Variants in OPTN observed in about 807,000 individuals in gnomAD.
The protein encoded by OPTN is E3-14.7K-interacting protein.
In OPTN, 54 loss-of-function variants were observed where a neutral mutation model predicts 70.4. The observed-to-expected ratio is 0.77, with a 90% CI of 0.62 to 0.96. The LOEUF (loss-of-function observed/expected upper bound fraction) is 0.96, where lower values mean the gene tolerates loss of function less well. Ranked by LOEUF, OPTN falls within the 40% of genes least tolerant of loss-of-function variation. OPTN has a pLI of 0.00. For synonymous variants in OPTN, 256 were observed against 248.5 expected (o/e 1.03, Z -0.28); for missense variants, 624 against 673.2 (o/e 0.93, Z 0.81).
At chr10:13,128,264 CCAAA>C (rs1191370167) in intron 12 of OPTN, among the ~76,000 whole-genome samples, 3 of 152,076 alleles carry the variant, frequency 2.0e-5, no homozygotes, top group African/African-American at 4.8e-5. Context: ...ACAGGTAATG[CCAAA>C]CAGTTTTCCA....
intron 3 of OPTN, among the ~76,000 whole-genome samples, chr10:13,110,023 G>A (rs1056004146): frequency 3.3e-5 from 5 of 152,094 alleles, no homozygotes; most frequent in Non-Finnish European, 7.4e-5. Flanking sequence ...AGATATTTGT[G>A]CTGTAGTGGC....
At chr10:13,130,105 C>T (rs890486536) in intron 12 of OPTN, among the ~76,000 whole-genome samples, 3 of 152,080 alleles carry the variant, frequency 2.0e-5, no homozygotes, top group African/African-American at 7.2e-5. Flanking sequence ...CTCATTCATT[C>T]AATAACTTCT....
intron 5 of OPTN, among the ~76,000 whole-genome samples, chr10:13,115,649 A>T (rs978366650): frequency 3.6e-5 from 5 of 139,970 alleles, no homozygotes; most frequent in African/African-American, 1.3e-4. Flanking sequence ...TATTATATAT[A>T]TATTTATACG....
chr10:13,101,325 GCTT>G (rs1476726187), intron 1 of OPTN, among the ~76,000 whole-genome samples: 2 of 152,164 alleles, frequency 1.3e-5, no homozygotes, highest in African/African-American at 2.4e-5. Context: ...AAAAGTAACA[GCTT>G]CTTTTTTTAT....
intron 1 of OPTN, among the ~76,000 whole-genome samples, chr10:13,105,720 C>A (rs183652563): frequency 1.1e-4 from 16 of 152,198 alleles, no homozygotes; most frequent in African/African-American, 3.9e-4. Flanking sequence ...ACCAGACTGG[C>A]CAACTTGGCA....
intron 6 of OPTN, among the ~76,000 whole-genome samples, chr10:13,117,696 C>G (rs1833250588): frequency 6.6e-6 from 1 of 152,056 alleles, no homozygotes; most frequent in Non-Finnish European, 1.5e-5. Flanking sequence ...ATCCTCTGGT[C>G]TCAGCCTCCC....
Position 13,116,284 on chromosome 10 carries a change from G to C in OPTN, c.570G>C (p.Gly190=). The C allele has an allele frequency of 6.2e-7, 1 of 1,611,526 alleles. No homozygotes were observed. The change falls in exon 6 of 15, where the codon GGG becomes GGC. Residue 190 remains glycine (G), a synonymous_variant. Coordinates refer to ENST00000378747, the MANE Select transcript of OPTN (RefSeq NM_001008212.2). ...EIRMAEGEAE[G]SVKEIKHSPG... Reference sequence around the variant, plus strand: ...TTTCACAGGAAGGAGAAGCAGAAGGGTCAGTAAAAGAAATCAAGCATAGTC... The same window carrying C: ...TTTCACAGGAAGGAGAAGCAGAAGGCTCAGTAAAAGAAATCAAGCATAGTC...
Position 13,100,228 on chromosome 10 carries a change from C to A in OPTN, c.-238C>A. ...CAGGTTCCCTGGTCAGCGTCCCATCCCGGTCGGGAGTTCTCTCCAGGCGGC... is the reference window on the plus strand; with the variant it reads ...CAGGTTCCCTGGTCAGCGTCCCATCACGGTCGGGAGTTCTCTCCAGGCGGC... On this transcript the variant is annotated 5_prime_UTR_variant, in exon 1 of 15. Coordinates refer to ENST00000378747, the MANE Select transcript of OPTN (RefSeq NM_001008212.2). 6.5e-6 allele frequency: 1 copy of A among 154,224 alleles called. No individual in the cohort carries two copies. Among genetic ancestry groups the A allele is most frequent in the South Asian group, 1.9e-4 (1 of 5,396 alleles). The allele number at this position is 154,224 out of a possible 1,614,324, so 9.6% of individuals were successfully genotyped here.
chr10:13,134,028 C>T (rs180939832), intron 14 of OPTN, among the ~76,000 whole-genome samples: 74 of 152,228 alleles, frequency 4.9e-4, no homozygotes, highest in African/African-American at 1.7e-3. Context: ...AGGCTGGTCT[C>T]GAACTCCTGA....
chr10:13,102,145 A>G (rs944020312), intron 1 of OPTN, among the ~76,000 whole-genome samples: 4 of 152,244 alleles, frequency 2.6e-5, no homozygotes, highest in African/African-American at 9.6e-5. Context: ...GAAGTTTGCC[A>G]GGACACAAGG....
intron 14 of OPTN, 130 bp from the exon 15 acceptor site, chr10:13,136,615 T>C: frequency 9.6e-7 from 1 of 1,037,164 alleles, no homozygotes; most frequent in Non-Finnish European, 1.4e-6. Flanking sequence ...ACCAAACACC[T>C]GTGCTCATGT....
At chr10:13,104,549 C>G in intron 1 of OPTN, 1 of 560,502 alleles carries the variant, frequency 1.8e-6, no homozygotes, top group Middle Eastern at 5.6e-4. Flanking sequence ...ACATGGGTTT[C>G]TCTGCTGAAC....
Position 13,136,666 on chromosome 10 carries a change from C to G in OPTN, c.1613-79C>G. 1.9e-6 allele frequency: 3 copies of G among 1,569,290 alleles called. No homozygotes were observed. In the Admixed American group the frequency reaches 5.2e-5, roughly 27 times the overall value. ...ATACGAAGTTGAACTGATGTTAAAA[C>G]TCGCCATCTGTTCTTCAAGTGAAAC... On this transcript the variant is annotated intron_variant, in intron 14 of 14. Transcript: ENST00000378747.
At chr10:13,107,503 G>A (rs1345235306) in intron 1 of OPTN, among the ~76,000 whole-genome samples, 5 of 146,550 alleles carry the variant, frequency 3.4e-5, no homozygotes, top group East Asian at 2.1e-4. Flanking sequence ...CGCAGCCTCC[G>A]GAGTAGCTGG....
chr10:13,132,047 A>G lies in OPTN; in HGVS notation c.1402-20A>G. 2 of 1,609,832 alleles carry G rather than the reference A, an allele frequency of 1.2e-6. No homozygotes were observed. Among genetic ancestry groups the G allele is most frequent in the South Asian group, 2.2e-5 (2 of 90,770 alleles). On this transcript the variant is annotated intron_variant, in intron 12 of 14. Transcript: ENST00000378747. ...CATTCATCTAGGTACTAACTTCTGT[A>G]TCTTTTTTTCCTCTAACAGATGGAA...
At position 13,124,076 on chromosome 10, in the gene OPTN, G is replaced by C. The variant is rs523747; in HGVS notation, c.964G>C (p.Glu322Gln). The C allele has an allele frequency of 6.2e-7, 1 of 1,612,080 alleles. No individual in the cohort carries two copies. The highest frequency in any genetic ancestry group is 8.5e-7 in the Non-Finnish European group (1 of 1,178,432). The change falls in exon 9 of 15, where the codon GAA becomes CAA. Residue 322 changes from glutamate (E) to glutamine (Q), a missense_variant. Physicochemically the swap from Glu to Gln is conservative, Grantham distance 29. Transcript: ENST00000378747. ...TCAAGAGGCTCATACAAAACTCAGC[G>C]AAGCTGAGCTAATGAAGAAGAGACT... is the stretch of plus-strand genomic sequence containing the variant. ...ELQEAHTKLS[E>Q]AELMKKRLQE...
intron 10 of OPTN, 24 bp from the exon 11 acceptor site, chr10:13,125,922 A>T (rs1564365322): frequency 1.6e-5 from 24 of 1,541,338 alleles, no homozygotes; most frequent in Non-Finnish European, 2.2e-5. Context: ...CCAGGATTCC[A>T]TTTTTTAATA....
intron 13 of OPTN, 91 bp downstream of exon 13, chr10:13,132,288 A>G: frequency 6.7e-7 from 1 of 1,490,400 alleles, no homozygotes; most frequent in Non-Finnish European, 9.3e-7. Context: ...TTGAACTATA[A>G]GAATAGCTGT....
chr10:13,135,642 A>T (rs900490726), intron 14 of OPTN, among the ~76,000 whole-genome samples: 1 of 151,974 alleles, frequency 6.6e-6, no homozygotes, highest in Non-Finnish European at 1.5e-5. Context: ...CAGTGTCTTT[A>T]TACATCCCAG....
Sources: allele counts gnomAD v4.1 joint callset (sites outside exome capture counted in the v4.1 genomes callset), GRCh38; gene constraint gnomAD v4.1.1; transcripts MANE v1.5; gene names NCBI Gene and HGNC (gene_info 2026-07-23, HGNC 2026-07-21).